OTUD7A: variants seen among roughly 807,000 people sequenced by gnomAD.
OTUD7A encodes the protein OTU deubiquitinase 7A.
A neutral mutation model predicts 65.7 loss-of-function variants in OTUD7A; 12 were observed. The observed-to-expected ratio is 0.18, with a 90% CI of 0.12 to 0.30. The LOEUF is 0.30. OTUD7A is among the 10% of genes least tolerant of loss of function. The pLI, the probability that OTUD7A is intolerant of heterozygous loss-of-function variation, is 1.00. For missense variants in OTUD7A, 1,148 were observed against 1,304.8 expected, an observed-to-expected ratio of 0.88 and a Z score of 1.85; for synonymous variants, 641 against 586.3, an observed-to-expected ratio of 1.09 and a Z score of -1.35.
intron 1 of OTUD7A, among the ~76,000 whole-genome samples, chr15:31,716,136 TTA>T (rs1258210715): frequency 7.9e-5 from 7 of 88,266 alleles, no homozygotes; most frequent in African/African-American, 2.3e-4. Flanking sequence ...TATGTGTTTT[TTA>T]TATATATAAA....
intron 1 of OTUD7A, among the ~76,000 whole-genome samples, chr15:31,802,141 GTA>G (rs1555419391): frequency 4.5e-4 from 64 of 142,580 alleles, no homozygotes; most frequent in African/African-American, 1.6e-3. Context: ...GTGTGTGTGT[GTA>G]TATATATATA....
intron 3 of OTUD7A, among the ~76,000 whole-genome samples, chr15:31,644,427 T>C (rs1250786203): frequency 1.3e-5 from 2 of 152,070 alleles, no homozygotes; most frequent in African/African-American, 2.4e-5. Context: ...GTGATCCTTG[T>C]GGATCTTGCT....
intron 1 of OTUD7A, among the ~76,000 whole-genome samples, chr15:31,674,295 C>T (rs1892548345): frequency 2.0e-5 from 3 of 152,150 alleles, no homozygotes; most frequent in African/African-American, 7.2e-5. Context: ...AAGGTGAGGG[C>T]CAGCCCTGGG....
At chr15:31,771,266 T>C (rs1274613265) in intron 1 of OTUD7A, among the ~76,000 whole-genome samples, 1 of 152,218 alleles carries the variant, frequency 6.6e-6, no homozygotes, top group Non-Finnish European at 1.5e-5. Context: ...TGTTTCTTGG[T>C]CTGGGTACCG....
intron 1 of OTUD7A, among the ~76,000 whole-genome samples, chr15:31,806,042 T>C (rs1313281184): frequency 6.6e-6 from 1 of 152,224 alleles, no homozygotes; most frequent in Non-Finnish European, 1.5e-5. Context: ...AGTTTAGGAA[T>C]TACATTCCAA....
intron 1 of OTUD7A, among the ~76,000 whole-genome samples, chr15:31,760,821 A>G (rs1595751461): frequency 1.3e-5 from 2 of 152,226 alleles, no homozygotes; most frequent in African/African-American, 2.4e-5. Flanking sequence ...ACAATAATTA[A>G]GATAGTATGG....
At chr15:31,780,133 A>T (rs1895498365) in intron 1 of OTUD7A, among the ~76,000 whole-genome samples, 1 of 152,180 alleles carries the variant, frequency 6.6e-6, no homozygotes, top group African/African-American at 2.4e-5. Flanking sequence ...CTCTTTCTGT[A>T]GTATCTGCCC....
chr15:31,759,507 A>C (rs1481148993), intron 1 of OTUD7A, among the ~76,000 whole-genome samples: 1 of 152,150 alleles, frequency 6.6e-6, no homozygotes, highest in African/African-American at 2.4e-5. Flanking sequence ...CACCTAATAG[A>C]TCGTGGCTTA....
At position 31,598,696 on chromosome 15, in the gene OTUD7A, C is replaced by A. The variant is rs188264985; in HGVS notation, c.152-28499G>T. ...TGGAGATGGGGCTGAAGTCAGGAAGCCAAGTGGTCTGGCTCAGTGGGTCCC... is the reference window on the plus strand; with the variant it reads ...TGGAGATGGGGCTGAAGTCAGGAAGACAAGTGGTCTGGCTCAGTGGGTCCC... On this transcript the variant is annotated intron_variant, in intron 3 of 12. Coordinates refer to ENST00000307050, the MANE Select transcript of OTUD7A (RefSeq NM_001382637.1). 5.3e-5 allele frequency among the ~76,000 whole-genome samples: 8 copies of A among 152,292 alleles called. No individual in the cohort carries two copies. The East Asian group carries it at 1.5e-3, about 29-fold the overall frequency.
chr15:31,499,071 T>C (rs1313975201), intron 10 of OTUD7A, among the ~76,000 whole-genome samples: 1 of 152,166 alleles, frequency 6.6e-6, no homozygotes, highest in Non-Finnish European at 1.5e-5. Flanking sequence ...GCTTCATGGA[T>C]TTTTAAGCCT....
intron 1 of OTUD7A, among the ~76,000 whole-genome samples, chr15:31,693,127 T>A (rs1892994955): frequency 6.6e-6 from 1 of 152,226 alleles, no homozygotes; most frequent in Non-Finnish European, 1.5e-5. Flanking sequence ...TGCTGGTAAG[T>A]GGTTTTGTTT....
chr15:31,539,166 C>T (rs764257903), intron 5 of OTUD7A, among the ~76,000 whole-genome samples: 30 of 152,234 alleles, frequency 2.0e-4, no homozygotes, highest in Middle Eastern at 3.4e-3. Context: ...TGCCTCAAAT[C>T]CATGTTATCC....
At chr15:31,589,145 A>G (rs1889639119) in intron 3 of OTUD7A, among the ~76,000 whole-genome samples, 1 of 151,840 alleles carries the variant, frequency 6.6e-6, no homozygotes, top group Admixed American at 6.5e-5. Context: ...AATCCTGTGT[A>G]TGTATACATA....
At chr15:31,686,148 A>G (rs2338937) in intron 1 of OTUD7A, among the ~76,000 whole-genome samples, 1 of 152,350 alleles carries the variant, frequency 6.6e-6, no homozygotes, top group East Asian at 1.9e-4. Context: ...GGCTGCTGCT[A>G]TGCAGAAGGG....
At chr15:31,777,173 T>C (rs960961193) in intron 1 of OTUD7A, among the ~76,000 whole-genome samples, 6 of 152,136 alleles carry the variant, frequency 3.9e-5, no homozygotes, top group Non-Finnish European at 7.4e-5. Context: ...TCCTGGTTCA[T>C]ACACGGTGAC....
Position 31,487,315 on chromosome 15 carries a change from G to A in OTUD7A, c.1287-37C>T. On this transcript the variant is annotated intron_variant, in intron 11 of 12. Transcript: ENST00000307050. This position sits in a 1 kb window ranked among gnomAD's most constrained non-coding sequence, Gnocchi z 6.0. ...AGAATATCCTATTGAAATGGTCTGA[G>A]CTGGCCCTTATAGCACCCAGTCCAC... is the stretch of plus-strand genomic sequence containing the variant. The A allele has an allele frequency of 6.2e-7, 1 of 1,608,982 alleles. No homozygotes were observed. The highest frequency in any genetic ancestry group is 8.5e-7 in the Non-Finnish European group (1 of 1,175,770).
chr15:31,554,727 C>T (rs1381602518), intron 5 of OTUD7A, among the ~76,000 whole-genome samples: 2 of 152,228 alleles, frequency 1.3e-5, no homozygotes, highest in Non-Finnish European at 2.9e-5. Context: ...GCTGCTGCCA[C>T]AGGCAGCAGA....
chr15:31,635,373 A>C (rs1397237459), intron 3 of OTUD7A, among the ~76,000 whole-genome samples: 3 of 152,216 alleles, frequency 2.0e-5, no homozygotes, highest in Non-Finnish European at 4.4e-5. Context: ...AAACTTGTTG[A>C]AGATTGCACA....
At chr15:31,860,935 G>A (rs1897725763) in intron 1 of OTUD7A, among the ~76,000 whole-genome samples, 2 of 146,046 alleles carry the variant, frequency 1.4e-5, no homozygotes, top group South Asian at 4.4e-4. Context: ...TAGGCAGGAT[G>A]GTCTCGATCT....
Sources: allele counts gnomAD v4.1 joint callset (sites outside exome capture counted in the v4.1 genomes callset), GRCh38; gene constraint gnomAD v4.1.1; non-coding constraint Gnocchi (gnomAD v3.1); transcripts MANE v1.5; gene names NCBI Gene and HGNC (gene_info 2026-07-23, HGNC 2026-07-21).